Variants in LHPP observed in about 807,000 individuals in gnomAD.
LHPP encodes the protein hLHPP.
LHPP carries 24 observed loss-of-function variants against 30.3 expected under a neutral mutation model. That is an observed-to-expected ratio of 0.79 (90% CI 0.57 to 1.11). The LOEUF is 1.11. LHPP is among the 50% of genes most tolerant of loss of function. The pLI, the probability that LHPP is intolerant of heterozygous loss-of-function variation, is 0.00. For missense variants in LHPP, 356 were observed against 367.2 expected (o/e 0.97, Z 0.25); for synonymous variants, 150 against 157.1 (o/e 0.95, Z 0.34).
Position 124,613,433 on chromosome 10 carries a change from TCTCCTCCACCCGCCCAGGAGAGCCCCAC to T in LHPP, c.*85_*112del. 5 of 656,202 alleles carry T rather than the reference TCTCCTCCACCCGCCCAGGAGAGCCCCAC, an allele frequency of 7.6e-6. No homozygotes were observed. Among genetic ancestry groups the T allele is most frequent in the African/African-American group, 4.9e-5 (1 of 20,532 alleles). 40.6% of individuals were successfully genotyped at this position (656,202 alleles called of 1,614,324 possible). Reference sequence around the variant, plus strand: ...CCCCTGCCTCCCCTCCACCCCTGCCTCTCCTCCACCCGCCCAGGAGAGCCCCACCTCCTCCACCCCTGCCTCTCCTCCA... The same window carrying T: ...CCCCTGCCTCCCCTCCACCCCTGCCTCTCCTCCACCCCTGCCTCTCCTCCA... On this transcript the variant is annotated 3_prime_UTR_variant, in exon 7 of 7. Coordinates refer to ENST00000368842, the MANE Select transcript of LHPP (RefSeq NM_022126.4).
At chr10:124,578,105 C>G (rs936730296) in intron 6 of LHPP, among the ~76,000 whole-genome samples, 2 of 152,224 alleles carry the variant, frequency 1.3e-5, no homozygotes, top group Admixed American at 6.5e-5. Flanking sequence ...CTGAGTCGCT[C>G]TTCCTCCCAT....
intron 6 of LHPP, among the ~76,000 whole-genome samples, chr10:124,534,403 C>G (rs942314916): frequency 3.9e-5 from 6 of 152,224 alleles, no homozygotes; most frequent in African/African-American, 9.6e-5. Context: ...AAGAGGGCAG[C>G]ACCGGCACGT....
chr10:124,532,175 T>C (rs1954915959), intron 6 of LHPP, among the ~76,000 whole-genome samples: 1 of 152,190 alleles, frequency 6.6e-6, no homozygotes, highest in Non-Finnish European at 1.5e-5. Flanking sequence ...CAAAAAGATG[T>C]TTCAGGTTCA....
intron 1 of LHPP, among the ~76,000 whole-genome samples, chr10:124,467,710 T>TTTGTTGTTA (rs1952595772): frequency 6.7e-6 from 1 of 148,930 alleles, no homozygotes; most frequent in African/African-American, 2.5e-5. Context: ...GTGTGTGTTT[T>TTTGTTGTTA]TTGTTGTTGT....
intron 3 of LHPP, among the ~76,000 whole-genome samples, chr10:124,492,333 T>C (rs1953558452): frequency 6.6e-6 from 1 of 152,216 alleles, no homozygotes; most frequent in African/African-American, 2.4e-5. Context: ...GTCCTGTATG[T>C]AGTCAGGGTT....
chr10:124,487,090 A>G (rs544973043), intron 2 of LHPP, among the ~76,000 whole-genome samples: 85 of 152,364 alleles, frequency 5.6e-4, no homozygotes, highest in African/African-American at 1.9e-3. Context: ...TTATTGCAGA[A>G]TAGTATTCCA....
In LHPP at chr10:124,566,524, G is replaced by A. The variant is rs376589566; in HGVS notation, c.717-46740G>A. 1.2e-4 allele frequency among the ~76,000 whole-genome samples: 19 copies of A among 152,322 alleles called. No individual in the cohort carries two copies. In the South Asian group the frequency reaches 3.9e-3, roughly 32 times the overall value. ...CCCACTGGCAGGAGTCAGTTGTGATGTCTTTTGCCAGCTCTCTTCTGTAGC... is the reference window on the plus strand; with the variant it reads ...CCCACTGGCAGGAGTCAGTTGTGATATCTTTTGCCAGCTCTCTTCTGTAGC... On this transcript the variant is annotated intron_variant, in intron 6 of 6. Transcript: ENST00000368842.
At chr10:124,582,558 A>G (rs545648146) in intron 6 of LHPP, among the ~76,000 whole-genome samples, 79 of 145,834 alleles carry the variant, frequency 5.4e-4, no homozygotes, top group Non-Finnish European at 9.5e-4. Flanking sequence ...AAATCTGTAT[A>G]TACCTTTGAC....
In LHPP at chr10:124,611,922, G is replaced by A. The variant is rs543443597; in HGVS notation, c.717-1342G>A. Among the ~76,000 whole-genome samples the A allele has an allele frequency of 4.6e-5, 7 of 152,322 alleles. No homozygotes were observed. The South Asian group carries it at 6.2e-4, about 14-fold the overall frequency. ...CTTCTCAGGGAGCTTGGGCCAGGCC[G>A]TGGGGAGATCCAAGCAACATGTCCC... On this transcript the variant is annotated intron_variant, in intron 6 of 6. Coordinates refer to ENST00000368842, the MANE Select transcript of LHPP (RefSeq NM_022126.4).
rs955644110 is a variant in LHPP at position 124,510,672 on chromosome 10, C to T, written c.625-6508C>T. On this transcript the variant is annotated intron_variant, in intron 5 of 6. Transcript: ENST00000368842. The surrounding 1 kb of genome is among the most constrained non-coding windows in gnomAD (Gnocchi z 4.0). ...AGCATGCACACAGTTTCATTTTCCC[C>T]GGAAGCATGGAGGTGTAGGATGACA... Among the ~76,000 whole-genome samples the T allele has an allele frequency of 1.3e-5, 2 of 152,196 alleles. No individual in the cohort carries two copies. Among genetic ancestry groups the T allele is most frequent in the Admixed American group, 6.5e-5 (1 of 15,280 alleles).
rs139897062 is a variant in LHPP, at chr10:124,509,404, A to G, written c.625-7776A>G. 1.2e-4 allele frequency among the ~76,000 whole-genome samples: 18 copies of G among 152,180 alleles called. No homozygotes were observed. The East Asian group carries it at 3.1e-3, about 26-fold the overall frequency. ...ATCTTGTATGTACATCCTCTTGTACATTTCTAATTATTTGCTCCAAATCCT... is the reference window on the plus strand; with the variant it reads ...ATCTTGTATGTACATCCTCTTGTACGTTTCTAATTATTTGCTCCAAATCCT... On this transcript the variant is annotated intron_variant, in intron 5 of 6. Transcript: ENST00000368842.
rs1162831251 is a variant in LHPP at position 124,484,310 on chromosome 10, C to T, written c.297C>T (p.Tyr99=). 1.9e-6 allele frequency: 3 copies of T among 1,613,172 alleles called. No individual in the cohort carries two copies. The highest frequency in any genetic ancestry group is 2.5e-6 in the Non-Finnish European group (3 of 1,179,338). The stretch of plus-strand genomic sequence containing the variant: ...TGAAGGAGCAAGGCCTGCGACCATA[C>T]CTGCTCATCCATGACGGTAGGCCTG... The part of the protein sequence containing the change: ...QILKEQGLRP[Y]LLIHDGVRSE... The change falls in exon 2 of 7, where the codon TAC becomes TAT. Residue 99 remains tyrosine (Y), a synonymous_variant. Transcript: ENST00000368842.
intron 4 of LHPP, 54 bp downstream of exon 4, chr10:124,497,078 C>A (rs1348579078): frequency 2.1e-6 from 3 of 1,408,090 alleles, no homozygotes; most frequent in African/African-American, 2.9e-5. Flanking sequence ...GCACCTGGGA[C>A]TTTTTGGGTC....
At chr10:124,599,539 C>T (rs552728575) in intron 6 of LHPP, among the ~76,000 whole-genome samples, 15 of 152,372 alleles carry the variant, frequency 9.8e-5, no homozygotes, top group Admixed American at 3.9e-4. Flanking sequence ...TCCGTACTCC[C>T]TGCCAGGCAG....
At chr10:124,495,228 C>T (rs1387771139) in intron 3 of LHPP, among the ~76,000 whole-genome samples, 1 of 152,116 alleles carries the variant, frequency 6.6e-6, no homozygotes, top group Non-Finnish European at 1.5e-5. Context: ...CCCAGCCAGC[C>T]TGTATCCCTG....
intron 6 of LHPP, among the ~76,000 whole-genome samples, chr10:124,604,750 A>G (rs1949070432): frequency 6.6e-6 from 1 of 152,182 alleles, no homozygotes; most frequent in Non-Finnish European, 1.5e-5. Flanking sequence ...AGATCCCTGA[A>G]TTCACTGGGC....
intron 4 of LHPP, among the ~76,000 whole-genome samples, chr10:124,497,357 C>T (rs1953756612): frequency 1.3e-5 from 2 of 151,830 alleles, no homozygotes; most frequent in Admixed American, 1.3e-4. Flanking sequence ...TGCTCTCTGC[C>T]ACACTCCTCT....
At chr10:124,612,360 G>T (rs538575120) in intron 6 of LHPP, among the ~76,000 whole-genome samples, 1 of 152,230 alleles carries the variant, frequency 6.6e-6, no homozygotes, top group East Asian at 1.9e-4. Context: ...AGCCAAGATC[G>T]CACCATTGCA....
At chr10:124,534,264 C>T (rs1290018937) in intron 6 of LHPP, among the ~76,000 whole-genome samples, 2 of 152,248 alleles carry the variant, frequency 1.3e-5, no homozygotes, top group African/African-American at 2.4e-5. Flanking sequence ...TCCTCCGGTG[C>T]TGGGGAGCTC....
Sources: gnomAD v4.1 joint callset for allele counts (sites outside exome capture counted in the v4.1 genomes callset) on GRCh38, gnomAD v4.1.1 for gene constraint, Gnocchi (gnomAD v3.1) non-coding constraint, MANE v1.5 for transcripts, NCBI Gene and HGNC (gene_info 2026-07-23, HGNC 2026-07-21) for gene names.